The following EIF6 variants were observed in gnomAD, a reference collection of about 807,000 sequenced individuals.
EIF6 encodes the protein eukaryotic translation initiation factor 6, also known as B4 integrin interactor.
In EIF6, 10 loss-of-function variants were observed where a neutral mutation model predicts 25.5. The ratio of observed to expected loss-of-function variants is 0.39; its 90% CI spans 0.24 to 0.66. The LOEUF (loss-of-function observed/expected upper bound fraction) is 0.66, where lower values mean the gene tolerates loss of function less well. Ranked by LOEUF, EIF6 falls within the 30% of genes least tolerant of loss-of-function variation. EIF6 has a pLI of 0.45. For missense variants in EIF6, 246 were observed against 315.4 expected (o/e 0.78, Z 1.67); for synonymous variants, 122 against 122.6 (o/e 1.00, Z 0.03).
At position 35,280,868 on chromosome 20, in the gene EIF6, C is replaced by T. The variant is rs2146261948; in HGVS notation, c.194-39G>A. 1.9e-6 allele frequency: 3 copies of T among 1,604,128 alleles called. No homozygotes were observed. In the East Asian group the frequency reaches 6.7e-5, roughly 36 times the overall value. Reference sequence around the variant, plus strand: ...AATTAGAGGGTGAATACACAAGATGCCTGCTGAGCCCTAGGGGCTGAGGAT... The same window carrying T: ...AATTAGAGGGTGAATACACAAGATGTCTGCTGAGCCCTAGGGGCTGAGGAT... On this transcript the variant is annotated intron_variant, in intron 3 of 6. Transcript: ENST00000374450.
Position 35,279,713 on chromosome 20 carries a change from G to C in EIF6, c.581C>G (p.Ala194Gly). 6.2e-7 allele frequency: 1 copy of C among 1,614,158 alleles called. No homozygotes were observed. The highest frequency in any genetic ancestry group is 8.5e-7 in the Non-Finnish European group (1 of 1,180,038). ...CCAGTCATTCACCACCATCCCAGCA[G>C]CAATCACCTCACTGCCTCGGTTCAC... ...GTVNRGSEVI[A>G]AGMVVNDWCA... The change falls in exon 6 of 7, where the codon GCT becomes GGT. Residue 194 changes from alanine (A) to glycine (G), a missense_variant. By Grantham distance (60) the Ala-to-Gly change is moderately conservative (BLOSUM62 0). Coordinates refer to ENST00000374450, the MANE Select transcript of EIF6 (RefSeq NM_002212.4).
intron 3 of EIF6, 109 bp from the exon 4 acceptor site, chr20:35,280,938 C>G: frequency 7.8e-7 from 1 of 1,283,090 alleles, no homozygotes; most frequent in Non-Finnish European, 1.1e-6. Context: ...AAGCTTTAGG[C>G]CCAGAGCCCA....
rs749142351 is a variant in EIF6, at chr20:35,281,386, C to CA, written c.194-558dup. 3.7e-3 allele frequency among the ~76,000 whole-genome samples: 394 copies of CA among 106,906 alleles called. 1 individual carries two copies. Among genetic ancestry groups the CA allele is most frequent in the Non-Finnish European group, 4.2e-3 (210 of 49,822 alleles). 70.1% of individuals were successfully genotyped at this position (106,906 alleles called of 152,430 possible). A position where few individuals can be genotyped will look rare whatever the true frequency, so the allele number is the denominator to read the frequency against. Reference sequence around the variant, plus strand: ...GGGTGACAGAGCGAAACTCCGTCTCCAAAAAAAAAAAACAAAAAAACAAAA... The same window carrying CA: ...GGGTGACAGAGCGAAACTCCGTCTCCAAAAAAAAAAAAACAAAAAAACAAAA... On this transcript the variant is annotated intron_variant, in intron 3 of 6. Coordinates refer to ENST00000374450, the MANE Select transcript of EIF6 (RefSeq NM_002212.4).
At position 35,280,876 on chromosome 20, in the gene EIF6, G is replaced by GC. The variant is rs35079484; in HGVS notation, c.194-48dup. 2.6e-4 allele frequency: 423 copies of GC among 1,597,766 alleles called. 2 individuals carry two copies. The Middle Eastern group carries it at 3.7e-3, about 14-fold the overall frequency. On this transcript the variant is annotated intron_variant, in intron 3 of 6. Coordinates refer to ENST00000374450, the MANE Select transcript of EIF6 (RefSeq NM_002212.4). ...GGTGAATACACAAGATGCCTGCTGA[G>GC]CCCTAGGGGCTGAGGATACCACTCA... is the stretch of plus-strand genomic sequence containing the variant.
Position 35,280,021 on chromosome 20 carries a change from T to C in EIF6, c.467A>G (p.Asn156Ser), listed in dbSNP as rs374147852. The C allele has an allele frequency of 7.4e-6, 12 of 1,614,120 alleles. No individual in the cohort carries two copies. The African/African-American group carries it at 9.3e-5, about 13-fold the overall frequency. Residue 156 changes from asparagine (N) to serine (S), a missense_variant, in exon 5 of 7, where the codon AAT becomes AGT. By Grantham distance (46) the Asn-to-Ser change is conservative. Coordinates refer to ENST00000374450, the MANE Select transcript of EIF6 (RefSeq NM_002212.4). The part of the protein sequence containing the change: ...VLVGSYCVFS[N>S]QGGLVHPKTS... ...CTTGGGATGCACCAGCCCTCCCTGA[T>C]TGCTGAAGACACAGTAGCTTCCTAC...
chr20:35,279,769 G>GT, intron 5 of EIF6, 22 bp from the exon 6 acceptor site: 1 of 1,612,570 alleles, frequency 6.2e-7, no homozygotes, highest in East Asian at 2.2e-5. Flanking sequence ...TGGGCTCAAT[G>GT]TGAGTCACGG....
chr20:35,284,168 T>A lies in EIF6; in HGVS notation c.193+8A>T, dbSNP rs1447037484. 1.9e-6 allele frequency: 3 copies of A among 1,578,958 alleles called. No individual in the cohort carries two copies. Among genetic ancestry groups the A allele is most frequent in the Non-Finnish European group, 2.6e-6 (3 of 1,161,442 alleles). ...ACTCCCTCCCTCGGCGTCCTCCACCTGCCTTACCCACACACATGCGCCCGA... is the reference window on the plus strand; with the variant it reads ...ACTCCCTCCCTCGGCGTCCTCCACCAGCCTTACCCACACACATGCGCCCGA... On this transcript the variant is annotated splice_region_variant and intron_variant, in intron 3 of 6. Transcript: ENST00000374450.
intron 3 of EIF6, 31 bp downstream of exon 3, chr20:35,284,145 T>C: frequency 6.4e-7 from 1 of 1,556,580 alleles, no homozygotes; most frequent in South Asian, 1.2e-5. Context: ...TGGAGACCAC[T>C]CCCTCCCTCG....
At chr20:35,280,602 A>C in intron 4 of EIF6, 52 bp downstream of exon 4, 4 of 1,590,520 alleles carry the variant, frequency 2.5e-6, no homozygotes, top group Non-Finnish European at 3.4e-6. Context: ...ACAGTGGCTA[A>C]CCACTGACTA....
At position 35,280,668 on chromosome 20, in the gene EIF6, G is replaced by A; in HGVS notation, c.355C>T (p.Pro119Ser). ...GGCTGCCTCACCCTGTCCAAGTCTG[G>A]GTGGACCAAGGCCACGTAGTCATTG... The part of the protein sequence containing the change: ...TCNDYVALVH[P>S]DLDRETEEIL... Residue 119 changes from proline to serine, a missense_variant, in exon 4 of 7, where the codon CCA (proline) becomes TCA (serine). Physicochemically the swap from Pro to Ser is moderately conservative, Grantham distance 74. Transcript: ENST00000374450. 1 of 1,613,414 alleles carries A rather than the reference G, an allele frequency of 6.2e-7. No individual in the cohort carries two copies. Among genetic ancestry groups the A allele is most frequent in the South Asian group, 1.1e-5 (1 of 90,806 alleles).
chr20:35,284,074 T>C (rs2060800831), intron 3 of EIF6, 102 bp downstream of exon 3: 1 of 1,390,520 alleles, frequency 7.2e-7, no homozygotes, highest in Non-Finnish European at 9.7e-7. Flanking sequence ...AGATAACAGA[T>C]GATACCCTGG....
At position 35,280,818 on chromosome 20, in the gene EIF6, C is replaced by T; in HGVS notation, c.205G>A (p.Gly69Ser). The part of the protein sequence containing the change: ...IGRMCVGNRH[G>S]LLVPNNTTDQ... ...GTGGTATTGTTGGGTACCAGGAGACCGTGCCTGTTCCCTGGAGAAACCCAA... is the reference window on the plus strand; with the variant it reads ...GTGGTATTGTTGGGTACCAGGAGACTGTGCCTGTTCCCTGGAGAAACCCAA... The change falls in exon 4 of 7, where the codon GGT becomes AGT. Residue 69 changes from glycine (G) to serine (S), a missense_variant. Coordinates refer to ENST00000374450, the MANE Select transcript of EIF6 (RefSeq NM_002212.4). 3.1e-6 allele frequency: 5 copies of T among 1,613,914 alleles called. No homozygotes were observed. Among genetic ancestry groups the T allele is most frequent in the South Asian group, 1.1e-5 (1 of 90,986 alleles).
At chr20:35,280,386 G>C (rs911355433) in intron 4 of EIF6, among the ~76,000 whole-genome samples, 6 of 152,160 alleles carry the variant, frequency 3.9e-5, no homozygotes, top group African/African-American at 1.4e-4. Context: ...ACAGTCAAAA[G>C]TTCAACAGTC....
intron 4 of EIF6, 61 bp from the exon 5 acceptor site, chr20:35,280,179 C>T: frequency 6.4e-7 from 1 of 1,571,324 alleles, no homozygotes; most frequent in Non-Finnish European, 8.7e-7. Flanking sequence ...CCAAGGTTCT[C>T]CATGCCCAGA....
chr20:35,280,026 G>A lies in EIF6; in HGVS notation c.462C>T (p.Phe154=), dbSNP rs758995002. ...GATGCACCAGCCCTCCCTGATTGCT[G>A]AAGACACAGTAGCTTCCTACTAGCA... ...DQVLVGSYCV[F]SNQGGLVHPK... The change falls in exon 5 of 7, where the codon TTC becomes TTT. Residue 154 remains phenylalanine, a synonymous_variant. Transcript: ENST00000374450. 2 of 1,614,218 alleles carry A rather than the reference G, an allele frequency of 1.2e-6. No homozygotes were observed. The highest frequency in any genetic ancestry group is 2.2e-5 in the East Asian group (1 of 44,876).
At chr20:35,281,302 C>T (rs915530251) in intron 3 of EIF6, among the ~76,000 whole-genome samples, 14 of 151,206 alleles carry the variant, frequency 9.3e-5, no homozygotes, top group African/African-American at 2.9e-4. Flanking sequence ...AGGAGAATGG[C>T]GTGAACCCGG....
At chr20:35,282,681 C>T (rs1049817706) in intron 3 of EIF6, among the ~76,000 whole-genome samples, 7 of 151,686 alleles carry the variant, frequency 4.6e-5, no homozygotes, top group Non-Finnish European at 1.0e-4. Context: ...CTCAGCTCAC[C>T]GCAGGGTGAG....
Position 35,278,946 on chromosome 20 carries a change from G to A in EIF6, c.*251C>T. ...CCCGGAGGGAACTGCACTTTAATGG[G>A]GTGGCACAGGACAGCAGAACCCTCA... On this transcript the variant is annotated 3_prime_UTR_variant, in exon 7 of 7. Transcript: ENST00000374450. The A allele has an allele frequency of 1.8e-6, 1 of 570,552 alleles. No homozygotes were observed. Among genetic ancestry groups the A allele is most frequent in the Non-Finnish European group, 3.1e-6 (1 of 318,380 alleles). 35.3% of individuals were successfully genotyped at this position (570,552 alleles called of 1,614,324 possible). A position where few individuals can be genotyped will look rare whatever the true frequency, so the allele number is the denominator to read the frequency against.
In EIF6 at chr20:35,280,795, G is replaced by A. The variant is rs147197805; in HGVS notation, c.228C>T (p.Thr76=). The change falls in exon 4 of 7, where the codon ACC becomes ACT. Residue 76 remains threonine (T), a synonymous_variant. Coordinates refer to ENST00000374450, the MANE Select transcript of EIF6 (RefSeq NM_002212.4). ...NRHGLLVPNN[T]TDQELQHIRN... is the part of the protein sequence containing the mutation. ...GAATGTGTTGCAGCTCCTGGTCGGT[G>A]GTATTGTTGGGTACCAGGAGACCGT... The A allele has an allele frequency of 9.8e-4, 1,582 of 1,613,968 alleles. 3 individuals carry two copies. Among genetic ancestry groups the A allele is most frequent in the Non-Finnish European group, 1.3e-3 (1,516 of 1,180,010 alleles).
Sources: allele counts gnomAD v4.1 joint callset (sites outside exome capture counted in the v4.1 genomes callset), GRCh38; gene constraint gnomAD v4.1.1; transcripts MANE v1.5; gene names NCBI Gene and HGNC (gene_info 2026-07-23, HGNC 2026-07-21).